Variants in USP34 observed in about 807,000 individuals in gnomAD.
The protein encoded by USP34 is ubiquitin specific peptidase 34.
USP34 carries 70 observed loss-of-function variants against 460.3 expected under a neutral mutation model. The observed-to-expected ratio is 0.15, with a 90% CI of 0.13 to 0.19. The LOEUF (loss-of-function observed/expected upper bound fraction) is 0.19, where lower values mean the gene tolerates loss of function less well. Ranked by LOEUF, USP34 falls within the 10% of genes least tolerant of loss-of-function variation. USP34 has a pLI of 1.00. For missense variants in USP34, 3,985 were observed against 4,236.2 expected (o/e 0.94, Z 1.65); for synonymous variants, 1,647 against 1,405.3 (o/e 1.17, Z -3.85).
Position 61,426,494 on chromosome 2 carries a change from AGGT to A in USP34, c.44-5664_44-5662del, listed in dbSNP as rs574709627. On this transcript the variant is annotated intron_variant, in intron 1 of 79. Coordinates refer to ENST00000398571, the MANE Select transcript of USP34 (RefSeq NM_014709.4). ...TGGCCTGGGGGTGGCGGTGGCTACG[AGGT>A]GAGGTGGAAATGGGAAAAAGAGTGA... is the stretch of plus-strand genomic sequence containing the variant. 2.7e-3 allele frequency among the ~76,000 whole-genome samples: 417 copies of A among 152,102 alleles called. 1 individual carries two copies. Among genetic ancestry groups the A allele is most frequent in the African/African-American group, 9.4e-3 (388 of 41,484 alleles).
At chr2:61,317,256 T>C (rs567853610) in intron 23 of USP34, among the ~76,000 whole-genome samples, 77 of 152,008 alleles carry the variant, frequency 5.1e-4, no homozygotes, top group African/African-American at 1.5e-3. Flanking sequence ...GCTGAGCACG[T>C]TGGCTCATGC....
chr2:61,449,527 A>C (rs1695210061), intron 1 of USP34, among the ~76,000 whole-genome samples: 1 of 148,286 alleles, frequency 6.7e-6, no homozygotes, highest in African/African-American at 2.5e-5. Flanking sequence ...AAACAAAAAC[A>C]AAAAAAAAAC....
At chr2:61,198,878 G>A (rs757595658) in intron 75 of USP34, among the ~76,000 whole-genome samples, 26 of 151,894 alleles carry the variant, frequency 1.7e-4, no homozygotes, top group Non-Finnish European at 8.8e-5. Flanking sequence ...CAAATTGTTT[G>A]CTTTATTAGT....
At position 61,255,531 on chromosome 2, in the gene USP34, G is replaced by C. The variant is rs1298866161; in HGVS notation, c.6221+853C>G. On this transcript the variant is annotated intron_variant, in intron 48 of 79. Transcript: ENST00000398571. Reference sequence around the variant, plus strand: ...ACTCCATGTCTTCACATGTAAAATGGGGATAATAACAGCATCTATTGCAAA... The same window carrying C: ...ACTCCATGTCTTCACATGTAAAATGCGGATAATAACAGCATCTATTGCAAA... 4.4e-4 allele frequency among the ~76,000 whole-genome samples: 67 copies of C among 152,176 alleles called. 1 individual carries two copies. Among genetic ancestry groups the C allele is most frequent in the Admixed American group, 4.1e-3 (63 of 15,276 alleles).
intron 75 of USP34, among the ~76,000 whole-genome samples, chr2:61,193,791 TAGACAAGGAGTC>T (rs1222760671): frequency 1.3e-5 from 2 of 152,148 alleles, no homozygotes; most frequent in Non-Finnish European, 2.9e-5. Context: ...AAGACTGAGT[TAGACAAGGAGTC>T]AGCAAACTTG....
intron 75 of USP34, among the ~76,000 whole-genome samples, chr2:61,197,288 AG>A (rs1371038026): frequency 6.6e-6 from 1 of 152,090 alleles, no homozygotes; most frequent in Non-Finnish European, 1.5e-5. Context: ...CAACAATTAA[AG>A]AAGGAAATGA....
Position 61,348,284 on chromosome 2 carries a change from T to G in USP34, c.1871A>C (p.Asp624Ala). 1 of 1,614,236 alleles carries G rather than the reference T, an allele frequency of 6.2e-7. No homozygotes were observed. The change falls in exon 15 of 80, where the codon GAT becomes GCT. Residue 624 changes from aspartate to alanine, a missense_variant. Physicochemically the swap from Asp to Ala is moderately radical, Grantham distance 126 (BLOSUM62 -2). Coordinates refer to ENST00000398571, the MANE Select transcript of USP34 (RefSeq NM_014709.4). The stretch of plus-strand genomic sequence containing the variant: ...ATTATGACCATGATCATCGTCTTCA[T>G]CTTCCTCTTTGAGGGCTTCAATATC... ...IADIEALKEE[D>A]EDDDHGHNPP... is the part of the protein sequence containing the mutation.
chr2:61,411,997 C>A (rs975988999), intron 2 of USP34, among the ~76,000 whole-genome samples: 4 of 151,942 alleles, frequency 2.6e-5, no homozygotes. Flanking sequence ...TGAGATCAGC[C>A]TGACCAACAT....
At chr2:61,346,656 C>G (rs955175417) in intron 15 of USP34, among the ~76,000 whole-genome samples, 2 of 139,074 alleles carry the variant, frequency 1.4e-5, no homozygotes, top group Non-Finnish European at 3.1e-5. Context: ...GAAACCCCAT[C>G]CTACTAAAAA....
intron 11 of USP34, 82 bp from the exon 12 acceptor site, chr2:61,350,471 T>G: frequency 6.4e-7 from 1 of 1,564,400 alleles, no homozygotes. Context: ...CAAACTGAAA[T>G]GCCAAGACAA....
At chr2:61,406,702 TAAA>T (rs35191538) in intron 2 of USP34, among the ~76,000 whole-genome samples, 4 of 144,254 alleles carry the variant, frequency 2.8e-5, no homozygotes, top group Non-Finnish European at 3.0e-5. Flanking sequence ...TATGTGTATT[TAAA>T]AAAAAAAAAA....
intron 8 of USP34, among the ~76,000 whole-genome samples, chr2:61,375,077 C>T (rs542375681): frequency 6.6e-6 from 1 of 152,174 alleles, no homozygotes; most frequent in South Asian, 2.1e-4. Flanking sequence ...AAAACACAAC[C>T]AAGAATCCAA....
At chr2:61,270,862 C>G (rs993186065) in intron 41 of USP34, among the ~76,000 whole-genome samples, 2 of 152,210 alleles carry the variant, frequency 1.3e-5, no homozygotes, top group Non-Finnish European at 2.9e-5. Flanking sequence ...CTTCCTAAAA[C>G]ATAGGCTAAA....
At chr2:61,441,818 AAAAAG>A (rs1328486657) in intron 1 of USP34, among the ~76,000 whole-genome samples, 20 of 151,282 alleles carry the variant, frequency 1.3e-4, no homozygotes, top group South Asian at 2.1e-4. Context: ...AAAAAAAAGA[AAAAAG>A]AAAAGAAAAG....
At chr2:61,335,914 C>G (rs1691401554) in intron 18 of USP34, among the ~76,000 whole-genome samples, 1 of 152,170 alleles carries the variant, frequency 6.6e-6, no homozygotes, top group Non-Finnish European at 1.5e-5. Flanking sequence ...GTAAGAATTA[C>G]TAAGGCAGCT....
chr2:61,409,183 G>A (rs1693967691), intron 2 of USP34, among the ~76,000 whole-genome samples: 1 of 152,104 alleles, frequency 6.6e-6, no homozygotes, highest in African/African-American at 2.4e-5. Context: ...TTGCACCACT[G>A]CACTCTAGCC....
At chr2:61,432,573 G>A in intron 1 of USP34, among the ~76,000 whole-genome samples, 1 of 152,062 alleles carries the variant, frequency 6.6e-6, no homozygotes, top group Non-Finnish European at 1.5e-5. Flanking sequence ...GAGCTCAAGA[G>A]TTCTAGGCCA....
chr2:61,188,281 C>T lies in USP34; in HGVS notation c.10462G>A (p.Gly3488Ser), dbSNP rs1326969824. The T allele has an allele frequency of 6.2e-7, 1 of 1,613,882 alleles. No individual in the cohort carries two copies. Among genetic ancestry groups the T allele is most frequent in the Admixed American group, 1.7e-5 (1 of 60,020 alleles). ...SDLADLRSCD[G>S]QALPSQDPEV... ...GGGTCCTGGGAGGGCAAAGCTTGGC[C>T]ATCACAGCTTCTCAAGTCAGCTAAG... is the stretch of plus-strand genomic sequence containing the variant. Residue 3488 changes from glycine to serine, a missense_variant, in exon 80 of 80, where the codon GGC (glycine) becomes AGC (serine). Physicochemically the swap from Gly to Ser is moderately conservative, Grantham distance 56. Around this residue, in one of 14 missense-constraint regions of USP34, gnomAD observed 506 missense variants for 439.0 expected, o/e 1.15. Coordinates refer to ENST00000398571, the MANE Select transcript of USP34 (RefSeq NM_014709.4).
At chr2:61,341,965 G>T (rs988831283) in intron 16 of USP34, among the ~76,000 whole-genome samples, 2 of 151,792 alleles carry the variant, frequency 1.3e-5, no homozygotes, top group Admixed American at 1.3e-4. Flanking sequence ...GTTTCACCAT[G>T]TTGGCCAGGC....
Sources: gnomAD v4.1 joint callset for allele counts (sites outside exome capture counted in the v4.1 genomes callset) on GRCh38, gnomAD v4.1.1 for gene constraint, gnomAD v4.1.1 regional missense constraint, MANE v1.5 for transcripts, NCBI Gene and HGNC (gene_info 2026-07-23, HGNC 2026-07-21) for gene names.